Variants in CTNNA3 observed in about 807,000 individuals in gnomAD.
The protein encoded by CTNNA3 is catenin alpha 3.
Under a neutral mutation model 95.7 loss-of-function variants are expected in CTNNA3, and 76 were observed. The observed-to-expected ratio is 0.79, with a 90% CI of 0.66 to 0.96. CTNNA3 has a LOEUF of 0.96. Ranked by LOEUF, CTNNA3 falls within the 40% of genes least tolerant of loss-of-function variation. The pLI is 0.00. For missense variants in CTNNA3, 1,191 were observed against 1,089.8 expected (o/e 1.09, Z -1.31); for synonymous variants, 431 against 374.4 (o/e 1.15, Z -1.74).
At chr10:66,110,360 TAAAA>T (rs35402161) in intron 13 of CTNNA3, among the ~76,000 whole-genome samples, 1 of 104,882 alleles carries the variant, frequency 9.5e-6, no homozygotes. Flanking sequence ...AGACTCTGTC[TAAAA>T]AAAAAAAAAA....
At chr10:67,687,974 G>A (rs976494389) in intron 1 of CTNNA3, among the ~76,000 whole-genome samples, 26 of 152,228 alleles carry the variant, frequency 1.7e-4, no homozygotes, top group Middle Eastern at 3.4e-3. Flanking sequence ...CCCTTTCTTC[G>A]ACTGTCATTC....
intron 7 of CTNNA3, among the ~76,000 whole-genome samples, chr10:67,128,631 T>C (rs1194755123): frequency 1.3e-5 from 2 of 152,146 alleles, no homozygotes; most frequent in Non-Finnish European, 2.9e-5. Context: ...AAGTTTAATT[T>C]TTCCAATTTC....
At chr10:66,601,680 A>C (rs955866942) in intron 10 of CTNNA3, among the ~76,000 whole-genome samples, 1 of 152,052 alleles carries the variant, frequency 6.6e-6, no homozygotes, top group East Asian at 1.9e-4. Flanking sequence ...GACAAATCTT[A>C]TTTTACAGAA....
At chr10:65,923,190 C>G (rs575666345) in intron 17 of CTNNA3, among the ~76,000 whole-genome samples, 1 of 152,232 alleles carries the variant, frequency 6.6e-6, no homozygotes, top group South Asian at 2.1e-4. Context: ...TAGGCAATGT[C>G]AAAGGGCATA....
At chr10:67,708,864 C>G (rs1218856077) in intron 1 of CTNNA3, among the ~76,000 whole-genome samples, 1 of 151,964 alleles carries the variant, frequency 6.6e-6, no homozygotes, top group Admixed American at 6.6e-5. Context: ...CTTATACTCT[C>G]TTTATAAAAC....
At chr10:66,516,642 A>G (rs182779620) in intron 11 of CTNNA3, among the ~76,000 whole-genome samples, 32 of 152,288 alleles carry the variant, frequency 2.1e-4, no homozygotes, top group Middle Eastern at 3.4e-3. Flanking sequence ...TCTGGCTTCT[A>G]GTCAGTTGTT....
intron 5 of CTNNA3, among the ~76,000 whole-genome samples, chr10:67,432,372 C>T (rs1846136536): frequency 6.6e-6 from 1 of 151,956 alleles, no homozygotes; most frequent in African/African-American, 2.4e-5. Flanking sequence ...TTGCTACAAC[C>T]TTTGTAGCTT....
chr10:67,200,978 A>G (rs1282568124), intron 6 of CTNNA3, among the ~76,000 whole-genome samples: 2 of 152,146 alleles, frequency 1.3e-5, no homozygotes, highest in Admixed American at 6.6e-5. Flanking sequence ...ATTGACCCCA[A>G]CGGATGCTCT....
chr10:66,517,501 C>T (rs1380202348), intron 11 of CTNNA3, among the ~76,000 whole-genome samples: 4 of 152,086 alleles, frequency 2.6e-5, no homozygotes, highest in Non-Finnish European at 5.9e-5. Flanking sequence ...ATCCTCACTA[C>T]TACACTGCCA....
At chr10:66,174,769 G>A (rs1425338397) in intron 13 of CTNNA3, among the ~76,000 whole-genome samples, 3 of 151,986 alleles carry the variant, frequency 2.0e-5, no homozygotes, top group Non-Finnish European at 4.4e-5. Context: ...TGTATACTGA[G>A]GGACAAATGT....
chr10:67,059,994 CT>C (rs1261582447), intron 7 of CTNNA3, among the ~76,000 whole-genome samples: 1 of 151,936 alleles, frequency 6.6e-6, no homozygotes, highest in Non-Finnish European at 1.5e-5. Context: ...ATAAGAATGG[CT>C]TTTTTAGGTG....
chr10:67,162,845 G>T (rs561219229), intron 7 of CTNNA3, among the ~76,000 whole-genome samples: 1 of 151,990 alleles, frequency 6.6e-6, no homozygotes, highest in East Asian at 1.9e-4. Flanking sequence ...CACAATAAGG[G>T]ATTATACAAA....
intron 5 of CTNNA3, among the ~76,000 whole-genome samples, chr10:67,518,653 G>C (rs1463094952): frequency 6.6e-6 from 1 of 152,006 alleles, no homozygotes; most frequent in Non-Finnish European, 1.5e-5. Flanking sequence ...AGTTTTAAGG[G>C]TAGATAAAGA....
In CTNNA3 at chr10:66,516,060, T is replaced by C. The variant is rs935568128; in HGVS notation, c.1531+4557A>G. ...CAGCTATTCAAACTATGATTAATTA[T>C]CTGGAAAAAAAAAAAAAAAAGGTAA... On this transcript the variant is annotated intron_variant, in intron 11 of 17. Coordinates refer to ENST00000433211, the MANE Select transcript of CTNNA3 (RefSeq NM_013266.4). 1.2e-3 allele frequency among the ~76,000 whole-genome samples: 30 copies of C among 25,728 alleles called. 1 individual carries two copies. The highest frequency in any genetic ancestry group is 2.6e-3 in the Admixed American group (6 of 2,324). 16.9% of individuals were successfully genotyped at this position (25,728 alleles called of 152,430 possible). A position where few individuals can be genotyped will look rare whatever the true frequency, so the allele number is the denominator to read the frequency against.
chr10:67,013,607 A>G (rs2133047448), intron 7 of CTNNA3, among the ~76,000 whole-genome samples: 1 of 152,322 alleles, frequency 6.6e-6, no homozygotes, highest in South Asian at 2.1e-4. Context: ...CTATGAGTAC[A>G]GATTACTTCC....
chr10:66,749,944 T>C (rs1839063507), intron 9 of CTNNA3, among the ~76,000 whole-genome samples: 1 of 152,222 alleles, frequency 6.6e-6, no homozygotes, highest in Non-Finnish European at 1.5e-5. Flanking sequence ...GTTGTTTTAG[T>C]TGGCAATTCC....
At chr10:65,922,125 G>A (rs536273800) in intron 17 of CTNNA3, among the ~76,000 whole-genome samples, 27 of 152,146 alleles carry the variant, frequency 1.8e-4, no homozygotes, top group African/African-American at 1.7e-4. Context: ...TCTACCTTGC[G>A]TTTTTTCTCA....
Position 67,366,937 on chromosome 10 carries a change from T to TA in CTNNA3, c.580-147068dup, listed in dbSNP as rs901711477. ...TTAGGTTAAAAATTTTCAAAAAGTT[T>TA]AAAAAAAAAGGTGGATTGCAGACTT... On this transcript the variant is annotated intron_variant, in intron 5 of 17. Coordinates refer to ENST00000433211, the MANE Select transcript of CTNNA3 (RefSeq NM_013266.4). Among the ~76,000 whole-genome samples, 173 of 150,716 alleles carry TA rather than the reference T, an allele frequency of 1.1e-3. 1 individual carries two copies. Among genetic ancestry groups the TA allele is most frequent in the African/African-American group, 3.9e-3 (162 of 41,200 alleles).
intron 5 of CTNNA3, among the ~76,000 whole-genome samples, chr10:67,368,849 G>A (rs1159307760): frequency 6.6e-6 from 1 of 152,186 alleles, no homozygotes; most frequent in Non-Finnish European, 1.5e-5. Flanking sequence ...GTTACCTGTG[G>A]AGAGGAGGAA....
Sources: gnomAD v4.1 joint callset for allele counts (sites outside exome capture counted in the v4.1 genomes callset) on GRCh38, gnomAD v4.1.1 for gene constraint, MANE v1.5 for transcripts, NCBI Gene and HGNC (gene_info 2026-07-23, HGNC 2026-07-21) for gene names.